Variants in LCE5A observed in about 807,000 individuals in gnomAD.
LCE5A encodes the protein late cornified envelope protein 5A.
For synonymous variants in LCE5A, 51 were observed against 54.2 expected (o/e 0.94, Z 0.26); for missense variants, 139 against 147.2 (o/e 0.94, Z 0.29).
Position 152,511,671 on chromosome 1 carries a change from C to T in LCE5A, c.137C>T (p.Pro46Leu), listed in dbSNP as rs371640593. 65 of 1,614,078 alleles carry T rather than the reference C, an allele frequency of 4.0e-5. No homozygotes were observed. Among genetic ancestry groups the T allele is most frequent in the Non-Finnish European group, 5.4e-5 (64 of 1,180,050 alleles). Residue 46 changes from proline to leucine, a missense_variant, in exon 2 of 2, where the codon CCT becomes CTT. Pro to Leu is a moderately conservative substitution (Grantham distance 98, BLOSUM62 -3). Coordinates refer to ENST00000334269, the MANE Select transcript of LCE5A (RefSeq NM_178438.5). Reference sequence around the variant, plus strand: ...CCCCAGTGTTCAGCCCCATGCCCACCTCCAGTCTCTTCCTGCTGTGGTTCC... The same window carrying T: ...CCCCAGTGTTCAGCCCCATGCCCACTTCCAGTCTCTTCCTGCTGTGGTTCC... ...CPPQCSAPCP[P>L]PVSSCCGSSS...
Position 152,511,723 on chromosome 1 carries a change from G to A in LCE5A, c.189G>A (p.Glu63=). ...GCTCTGGGGGCTGCTGCAGCTCTGA[G>A]GGTGGTGGCTGCTGCCTGAGCCACC... ...GSSSGGCCSS[E]GGGCCLSHHR... is the part of the protein sequence containing the mutation. The change falls in exon 2 of 2, where the codon GAG becomes GAA. Residue 63 remains glutamate, a synonymous_variant. Transcript: ENST00000334269. 6 of 1,614,036 alleles carry A rather than the reference G, an allele frequency of 3.7e-6. No individual in the cohort carries two copies. The highest frequency in any genetic ancestry group is 5.1e-6 in the Non-Finnish European group (6 of 1,179,960).
At chr1:152,511,491 C>G in intron 1 of LCE5A, 23 bp from the exon 2 acceptor site, 1 of 1,545,928 alleles carries the variant, frequency 6.5e-7, no homozygotes, top group South Asian at 1.1e-5. Context: ...AGGAAGTGAC[C>G]TTGGGCTTGT....
In LCE5A at chr1:152,511,787, T is replaced by A; in HGVS notation, c.253T>A (p.Ser85Thr). The A allele has an allele frequency of 1.2e-6, 2 of 1,613,906 alleles. No individual in the cohort carries two copies. Among genetic ancestry groups the A allele is most frequent in the East Asian group, 4.5e-5 (2 of 44,864 alleles). The change falls in exon 2 of 2, where the codon TCC becomes ACC. Residue 85 changes from serine (S) to threonine (T), a missense_variant. By Grantham distance (58) the Ser-to-Thr change is moderately conservative. Coordinates refer to ENST00000334269, the MANE Select transcript of LCE5A (RefSeq NM_178438.5). ...GTCCCTCCGACGCCGACCTCAGAGT[T>A]CCAGCTGCTGTGGCAGTGGCAGTGG... ...RQSLRRRPQS[S>T]SCCGSGSGQQ...
rs1240623019 is a variant in LCE5A at position 152,511,713 on chromosome 1, G to A, written c.179G>A (p.Cys60Tyr). Residue 60 changes from cysteine (C) to tyrosine (Y), a missense_variant, in exon 2 of 2, where the codon TGC becomes TAC. By Grantham distance (194) the Cys-to-Tyr change is radical. Coordinates refer to ENST00000334269, the MANE Select transcript of LCE5A (RefSeq NM_178438.5). ...TGTGGTTCCAGCTCTGGGGGCTGCT[G>A]CAGCTCTGAGGGTGGTGGCTGCTGC... ...SCCGSSSGGC[C>Y]SSEGGGCCLS... The A allele has an allele frequency of 1.9e-6, 3 of 1,614,154 alleles. No individual in the cohort carries two copies. The highest frequency in any genetic ancestry group is 2.2e-5 in the South Asian group (2 of 91,086).
intron 1 of LCE5A, 26 bp downstream of exon 1, chr1:152,511,024 T>C (rs944773808): frequency 6.5e-6 from 1 of 153,198 alleles, no homozygotes; most frequent in African/African-American, 2.4e-5. Flanking sequence ...GAAGGACTGA[T>C]GCCTTTCTGA....
In LCE5A at chr1:152,511,958, C is replaced by G. The variant is rs1021110621; in HGVS notation, c.*67C>G. 16 of 1,416,754 alleles carry G rather than the reference C, an allele frequency of 1.1e-5. No homozygotes were observed. Among genetic ancestry groups the G allele is most frequent in the African/African-American group, 4.3e-5 (3 of 69,626 alleles). 87.8% of individuals were successfully genotyped at this position (1,416,754 alleles called of 1,614,324 possible). A position where few individuals can be genotyped will look rare whatever the true frequency, so the allele number is the denominator to read the frequency against. ...CCAGGTGCTGAAGATGTGTGTCAGC[C>G]TGAGGCTTCTTTTCTCTCATTTCCC... is the stretch of plus-strand genomic sequence containing the variant. On this transcript the variant is annotated 3_prime_UTR_variant, in exon 2 of 2. Transcript: ENST00000334269.
intron 1 of LCE5A, among the ~76,000 whole-genome samples, 178 bp from the exon 2 acceptor site, chr1:152,511,336 T>G (rs1171132893): frequency 6.6e-6 from 1 of 152,076 alleles, no homozygotes; most frequent in Non-Finnish European, 1.5e-5. Context: ...AGGTGGAGGT[T>G]GCAGTGAGCC....
Position 152,511,919 on chromosome 1 carries a change from A to G in LCE5A, c.*28A>G, listed in dbSNP as rs777595806. 4 of 1,569,172 alleles carry G rather than the reference A, an allele frequency of 2.5e-6. No homozygotes were observed. The highest frequency in any genetic ancestry group is 2.6e-6 in the Non-Finnish European group (3 of 1,156,152). On this transcript the variant is annotated 3_prime_UTR_variant, in exon 2 of 2. Coordinates refer to ENST00000334269, the MANE Select transcript of LCE5A (RefSeq NM_178438.5). ...TGGGCCATGAGGAGCACGGAGGAGAAGGACTGGCAGATCCCAGGTGCTGAA... is the reference window on the plus strand; with the variant it reads ...TGGGCCATGAGGAGCACGGAGGAGAGGGACTGGCAGATCCCAGGTGCTGAA...
At position 152,511,862 on chromosome 1, in the gene LCE5A, T is replaced by A. The variant is rs775146426; in HGVS notation, c.328T>A (p.Cys110Ser). 1.2e-6 allele frequency: 2 copies of A among 1,613,336 alleles called. No homozygotes were observed. Among genetic ancestry groups the A allele is most frequent in the East Asian group, 4.5e-5 (2 of 44,878 alleles). ...SCCHSSGGSG[C>S]CHSSGGCC ...CTGCCACAGCTCTGGGGGCTCTGGC[T>A]GCTGCCACAGCTCTGGAGGCTGCTG... The change falls in exon 2 of 2, where the codon TGC becomes AGC. Residue 110 changes from cysteine (C) to serine (S), a missense_variant. Cys to Ser is a moderately radical substitution (Grantham distance 112, BLOSUM62 -1). Coordinates refer to ENST00000334269, the MANE Select transcript of LCE5A (RefSeq NM_178438.5).
chr1:152,511,199 C>T (rs959068874), intron 1 of LCE5A, among the ~76,000 whole-genome samples: 3 of 151,758 alleles, frequency 2.0e-5, no homozygotes, highest in South Asian at 4.1e-4. Context: ...CTGAGGTGGG[C>T]GGGTCAAGAG....
intron 1 of LCE5A, 69 bp from the exon 2 acceptor site, chr1:152,511,445 A>C (rs1446315956): frequency 4.0e-5 from 40 of 1,002,290 alleles, no homozygotes; most frequent in Non-Finnish European, 3.1e-6. Context: ...TCTTAGAGAT[A>C]AAATCTTGTG....
At position 152,512,097 on chromosome 1, in the gene LCE5A, A is replaced by G; in HGVS notation, c.*206A>G. 1 of 583,464 alleles carries G rather than the reference A, an allele frequency of 1.7e-6. No individual in the cohort carries two copies. The highest frequency in any genetic ancestry group is 3.1e-6 in the Non-Finnish European group (1 of 324,520). The allele number at this position is 583,464 out of a possible 1,614,324, so 36.1% of individuals were successfully genotyped here. A position where few individuals can be genotyped will look rare whatever the true frequency, so the allele number is the denominator to read the frequency against. On this transcript the variant is annotated 3_prime_UTR_variant, in exon 2 of 2. Coordinates refer to ENST00000334269, the MANE Select transcript of LCE5A (RefSeq NM_178438.5). ...TTTCTGGCCTGGCTTTCCCTCTCAG[A>G]CATAGCTCTTTGGAGAACTAGGTGT... is the stretch of plus-strand genomic sequence containing the variant.
rs375639917 is a variant in LCE5A at position 152,511,758 on chromosome 1, G to T, written c.224G>T (p.Arg75Leu). 1.9e-6 allele frequency: 3 copies of T among 1,613,940 alleles called. No individual in the cohort carries two copies. The highest frequency in any genetic ancestry group is 2.5e-6 in the Non-Finnish European group (3 of 1,179,840). Reference sequence around the variant, plus strand: ...TGCTGCCTGAGCCACCACAGGCCCCGCCAGTCCCTCCGACGCCGACCTCAG... The same window carrying T: ...TGCTGCCTGAGCCACCACAGGCCCCTCCAGTCCCTCCGACGCCGACCTCAG... Reference protein sequence around the residue: ...GGCCLSHHRPRQSLRRRPQSS... With the variant: ...GGCCLSHHRPLQSLRRRPQSS... Residue 75 changes from arginine (R) to leucine (L), a missense_variant, in exon 2 of 2, where the codon CGC becomes CTC. Physicochemically the swap from Arg to Leu is moderately radical, Grantham distance 102. Transcript: ENST00000334269.
rs868119374 is a variant in LCE5A, at chr1:152,512,072, T to C, written c.*181T>C. On this transcript the variant is annotated 3_prime_UTR_variant, in exon 2 of 2. Coordinates refer to ENST00000334269, the MANE Select transcript of LCE5A (RefSeq NM_178438.5). ...AGGGTTGAAGTCTAGCTTGTGATAT[T>C]TTCTGGCCTGGCTTTCCCTCTCAGA... 7.9e-5 allele frequency: 49 copies of C among 623,902 alleles called. No homozygotes were observed. In the Middle Eastern group the frequency reaches 1.7e-3, roughly 22 times the overall value. The allele number at this position is 623,902 out of a possible 1,614,324, so 38.6% of individuals were successfully genotyped here.
At chr1:152,511,233 C>T (rs952269804) in intron 1 of LCE5A, among the ~76,000 whole-genome samples, 2 of 152,072 alleles carry the variant, frequency 1.3e-5, no homozygotes, top group Admixed American at 6.5e-5. Context: ...GACTGACCAA[C>T]ATGCTGAAAT....
rs762730204 is a variant in LCE5A at position 152,511,650 on chromosome 1, A to G, written c.116A>G (p.Gln39Arg). 2 of 1,613,988 alleles carry G rather than the reference A, an allele frequency of 1.2e-6. No individual in the cohort carries two copies. Among genetic ancestry groups the G allele is most frequent in the Non-Finnish European group, 8.5e-7 (1 of 1,179,974 alleles). ...AAGTGTCCCCCAAAATGCCCTCCCC[A>G]GTGTTCAGCCCCATGCCCACCTCCA... is the stretch of plus-strand genomic sequence containing the variant. Reference protein sequence around the residue: ...PPKCPPKCPPQCSAPCPPPVS... With the variant: ...PPKCPPKCPPRCSAPCPPPVS... Residue 39 changes from glutamine (Q) to arginine (R), a missense_variant, in exon 2 of 2, where the codon CAG becomes CGG. Gln to Arg is a conservative substitution (Grantham distance 43). Coordinates refer to ENST00000334269, the MANE Select transcript of LCE5A (RefSeq NM_178438.5).
Position 152,512,068 on chromosome 1 carries a change from A to G in LCE5A, c.*177A>G, listed in dbSNP as rs1464289772. 5 of 629,926 alleles carry G rather than the reference A, an allele frequency of 7.9e-6. No homozygotes were observed. The highest frequency in any genetic ancestry group is 1.4e-5 in the Non-Finnish European group (5 of 361,308). 39.0% of individuals were successfully genotyped at this position (629,926 alleles called of 1,614,324 possible). ...TTGTAGGGTTGAAGTCTAGCTTGTG[A>G]TATTTTCTGGCCTGGCTTTCCCTCT... On this transcript the variant is annotated 3_prime_UTR_variant, in exon 2 of 2. Coordinates refer to ENST00000334269, the MANE Select transcript of LCE5A (RefSeq NM_178438.5).
At position 152,512,049 on chromosome 1, in the gene LCE5A, G is replaced by A. The variant is rs1459497392; in HGVS notation, c.*158G>A. 7 of 670,906 alleles carry A rather than the reference G, an allele frequency of 1.0e-5. No homozygotes were observed. Among genetic ancestry groups the A allele is most frequent in the Non-Finnish European group, 1.5e-5 (6 of 394,262 alleles). 41.6% of individuals were successfully genotyped at this position (670,906 alleles called of 1,614,324 possible). On this transcript the variant is annotated 3_prime_UTR_variant, in exon 2 of 2. Transcript: ENST00000334269. ...CCTGCCCATGTTCACTCCATTGTAG[G>A]GTTGAAGTCTAGCTTGTGATATTTT...
rs1048799071 is a variant in LCE5A, at chr1:152,511,992, A to T, written c.*101A>T. Reference sequence around the variant, plus strand: ...CTTTTCTCTCATTTCCCATGGAAGGACTTCGGAAATGCCTTAAGTTCCCCT... The same window carrying T: ...CTTTTCTCTCATTTCCCATGGAAGGTCTTCGGAAATGCCTTAAGTTCCCCT... On this transcript the variant is annotated 3_prime_UTR_variant, in exon 2 of 2. Transcript: ENST00000334269. The T allele has an allele frequency of 1.8e-6, 2 of 1,126,276 alleles. No homozygotes were observed. Among genetic ancestry groups the T allele is most frequent in the Non-Finnish European group, 2.5e-6 (2 of 796,814 alleles). 69.8% of individuals were successfully genotyped at this position (1,126,276 alleles called of 1,614,324 possible).
Sources: gnomAD v4.1 joint callset for allele counts (sites outside exome capture counted in the v4.1 genomes callset) on GRCh38, gnomAD v4.1.1 for gene constraint, MANE v1.5 for transcripts, NCBI Gene and HGNC (gene_info 2026-07-23, HGNC 2026-07-21) for gene names.